The following MCUB variants were observed in gnomAD, a reference collection of about 807,000 sequenced individuals.
MCUB encodes calcium uniporter regulatory subunit MCUb, mitochondrial.
MCUB carries 46 observed loss-of-function variants against 41.4 expected under a neutral mutation model. The observed-to-expected ratio is 1.11, with a 90% CI of 0.88 to 1.42. MCUB has a LOEUF of 1.42. MCUB is among the 40% of genes most tolerant of loss of function. The pLI is 0.00. For synonymous variants in MCUB, 148 were observed against 148.2 expected, an observed-to-expected ratio of 1.00 and a Z score of 0.01; for missense variants, 403 against 404.9, an observed-to-expected ratio of 1.00 and a Z score of 0.04.
intron 1 of MCUB, among the ~76,000 whole-genome samples, chr4:109,563,967 C>G (rs1050945241): frequency 4.6e-5 from 7 of 152,046 alleles, no homozygotes; most frequent in Non-Finnish European, 8.8e-5. Context: ...ATCATAAGAT[C>G]CTCAGGAAGA....
chr4:109,598,541 CA>C (rs1041167209), intron 1 of MCUB, among the ~76,000 whole-genome samples: 1 of 152,036 alleles, frequency 6.6e-6, no homozygotes, highest in African/African-American at 2.4e-5. Context: ...GCCGAGATGG[CA>C]GCAGTACAGT....
Position 109,569,774 on chromosome 4 carries a change from A to T in MCUB, c.99+9338A>T, listed in dbSNP as rs1196225463. ...TGCCTCGGCCTCCCAAAGTGCTGGG[A>T]TTACAGGTGTGAGCCACCGCTCCTG... On this transcript the variant is annotated intron_variant, in intron 1 of 7. Transcript: ENST00000394650. Among the ~76,000 whole-genome samples, 5 of 152,054 alleles carry T rather than the reference A, an allele frequency of 3.3e-5. No individual in the cohort carries two copies. The East Asian group carries it at 9.7e-4, about 29-fold the overall frequency.
chr4:109,598,593 AGGGAGAGGGAGACGGTGGGGAGAC>A (rs1192093279), intron 1 of MCUB, among the ~76,000 whole-genome samples: 38 of 134,724 alleles, frequency 2.8e-4, no homozygotes, highest in African/African-American at 8.3e-4. Flanking sequence ...GTGGAAACAG[AGGGAGAGGGAGACGGTGGGGAGAC>A]GGGAGAGGGA....
In MCUB at chr4:109,687,511, A is replaced by G. The variant is rs1284972055; in HGVS notation, c.934-4A>G. 1 of 1,605,866 alleles carries G rather than the reference A, an allele frequency of 6.2e-7. No homozygotes were observed. Among genetic ancestry groups the G allele is most frequent in the African/African-American group, 1.3e-5 (1 of 74,704 alleles). On this transcript the variant is annotated splice_polypyrimidine_tract_variant and splice_region_variant and intron_variant, in intron 7 of 7. Coordinates refer to ENST00000394650, the MANE Select transcript of MCUB (RefSeq NM_017918.5). Reference sequence around the variant, plus strand: ...TCACATGCTTTTTCTTTTTCCCATGACAGGCTAAAGAATCCCTGAAACAGG... The same window carrying G: ...TCACATGCTTTTTCTTTTTCCCATGGCAGGCTAAAGAATCCCTGAAACAGG...
At chr4:109,594,424 T>C (rs1455296599) in intron 1 of MCUB, among the ~76,000 whole-genome samples, 2 of 152,170 alleles carry the variant, frequency 1.3e-5, no homozygotes, top group Non-Finnish European at 2.9e-5. Flanking sequence ...CCCACTGTCA[T>C]ATTACTAGAC....
At chr4:109,608,833 G>T (rs537949889) in intron 1 of MCUB, among the ~76,000 whole-genome samples, 2 of 152,262 alleles carry the variant, frequency 1.3e-5, no homozygotes, top group Non-Finnish European at 2.9e-5. Flanking sequence ...AGTCTTTGCA[G>T]TATGGGCTTG....
chr4:109,649,159 T>C (rs552933684), intron 1 of MCUB, among the ~76,000 whole-genome samples: 6 of 152,290 alleles, frequency 3.9e-5, no homozygotes, highest in Admixed American at 2.0e-4. Flanking sequence ...CTTCTGTCCT[T>C]TTAACTGTTG....
intron 4 of MCUB, among the ~76,000 whole-genome samples, chr4:109,669,319 T>C (rs1174096234): frequency 6.6e-6 from 1 of 152,180 alleles, no homozygotes; most frequent in Non-Finnish European, 1.5e-5. Flanking sequence ...TTTGTTTTTT[T>C]CTCGGAATGC....
intron 1 of MCUB, among the ~76,000 whole-genome samples, chr4:109,602,686 CT>C (rs1195689754): frequency 6.6e-6 from 1 of 152,132 alleles, no homozygotes; most frequent in African/African-American, 2.4e-5. Flanking sequence ...TTTGGCTAAT[CT>C]AGGTCTTTTG....
chr4:109,687,704 T>C lies in MCUB; in HGVS notation c.*112T>C, dbSNP rs1422306185. The stretch of plus-strand genomic sequence containing the variant: ...TTGTTTAATCTTTGTTATTAAATTC[T>C]TGTAAAACAGAAGTATTGTTTGAAG... On this transcript the variant is annotated 3_prime_UTR_variant, in exon 8 of 8. Coordinates refer to ENST00000394650, the MANE Select transcript of MCUB (RefSeq NM_017918.5). 4.3e-6 allele frequency: 3 copies of C among 695,574 alleles called. No homozygotes were observed. The highest frequency in any genetic ancestry group is 7.4e-6 in the Non-Finnish European group (3 of 406,776). The allele number at this position is 695,574 out of a possible 1,614,324, so 43.1% of individuals were successfully genotyped here.
chr4:109,592,016 A>G (rs1727447724), intron 1 of MCUB, among the ~76,000 whole-genome samples: 1 of 152,022 alleles, frequency 6.6e-6, no homozygotes, highest in Non-Finnish European at 1.5e-5. Context: ...GTATTTTCTT[A>G]ACTTGATCTT....
chr4:109,682,851 T>G (rs939386927), intron 5 of MCUB, 109 bp downstream of exon 5: 2 of 803,308 alleles, frequency 2.5e-6, no homozygotes, highest in Non-Finnish European at 1.9e-6. Flanking sequence ...ATTTTCTCCT[T>G]TACGCCTCAC....
At chr4:109,658,465 T>G (rs1729153834) in intron 1 of MCUB, among the ~76,000 whole-genome samples, 1 of 152,084 alleles carries the variant, frequency 6.6e-6, no homozygotes, top group South Asian at 2.1e-4. Flanking sequence ...ACCTGGCTAA[T>G]TTTGTATTTT....
chr4:109,626,705 C>G (rs1728366452), intron 1 of MCUB, among the ~76,000 whole-genome samples: 1 of 149,494 alleles, frequency 6.7e-6, no homozygotes, highest in Non-Finnish European at 1.5e-5. Context: ...CCTACCTATT[C>G]GGGAGGCTGA....
intron 1 of MCUB, among the ~76,000 whole-genome samples, chr4:109,571,064 C>T (rs1170984198): frequency 2.0e-5 from 3 of 152,164 alleles, no homozygotes; most frequent in Non-Finnish European, 2.9e-5. Context: ...AAGGAAAAGG[C>T]TTGGCTAAGG....
intron 4 of MCUB, among the ~76,000 whole-genome samples, chr4:109,678,292 G>T (rs185618038): frequency 0.037 from 5,647 of 152,042 alleles, 377 homozygotes; most frequent in African/African-American, 0.13. Flanking sequence ...CGACAAAACC[G>T]CCATCATCAT....
intron 1 of MCUB, among the ~76,000 whole-genome samples, chr4:109,620,677 TGTAAA>T (rs1335573306): frequency 6.6e-6 from 1 of 151,878 alleles, no homozygotes; most frequent in Non-Finnish European, 1.5e-5. Flanking sequence ...TTGTTATTGA[TGTAAA>T]GAGACTGGCA....
intron 1 of MCUB, among the ~76,000 whole-genome samples, chr4:109,650,335 A>T (rs994424221): frequency 2.6e-5 from 4 of 152,172 alleles, no homozygotes; most frequent in Non-Finnish European, 5.9e-5. Flanking sequence ...GCTTTAAAAA[A>T]TTTTTTATTT....
chr4:109,681,646 A>G (rs528197142), intron 4 of MCUB, among the ~76,000 whole-genome samples: 16 of 152,322 alleles, frequency 1.1e-4, no homozygotes, highest in African/African-American at 1.7e-4. Flanking sequence ...GTTCAGCTCA[A>G]TTAGGACAAA....
Sources: gnomAD v4.1 joint callset for allele counts (sites outside exome capture counted in the v4.1 genomes callset) on GRCh38, gnomAD v4.1.1 for gene constraint, MANE v1.5 for transcripts, NCBI Gene and HGNC (gene_info 2026-07-23, HGNC 2026-07-21) for gene names.